Variants in GRID2IP observed in about 807,000 individuals in gnomAD.
The protein encoded by GRID2IP is Grid2 interacting protein.
GRID2IP carries 78 observed loss-of-function variants against 114.3 expected under a neutral mutation model. That is an observed-to-expected ratio of 0.68 (90% CI 0.57 to 0.82). The LOEUF is 0.82. Among genes scored for constraint, GRID2IP ranks in the 40% least tolerant of loss-of-function variants. The pLI is 0.00. For missense variants in GRID2IP, 1,727 were observed against 1,678.5 expected, an observed-to-expected ratio of 1.03 and a Z score of -0.51; for synonymous variants, 809 against 724.0, an observed-to-expected ratio of 1.12 and a Z score of -1.89.
rs1235169036 is a variant in GRID2IP at position 6,520,090 on chromosome 7, A to G, written c.1268+488T>C. On this transcript the variant is annotated intron_variant, in intron 7 of 21. Transcript: ENST00000457091. This position sits in a 1 kb window ranked among gnomAD's most constrained non-coding sequence, Gnocchi z 4.6. ...GGAGTTTGAGACCAGCCTGACCAAC[A>G]TAGTGAAACCCTGTCTCTAGTAAAA... Among the ~76,000 whole-genome samples the G allele has an allele frequency of 3.9e-5, 6 of 152,170 alleles. No homozygotes were observed. The highest frequency in any genetic ancestry group is 8.8e-5 in the Non-Finnish European group (6 of 68,018).
chr7:6,520,783 G>C lies in GRID2IP; in HGVS notation c.1085-22C>G. ...GAGTCTGCTGGGACCACAGGCGGGAGAGGCATGAGTGACTCAGAGTCCCCA... is the reference window on the plus strand; with the variant it reads ...GAGTCTGCTGGGACCACAGGCGGGACAGGCATGAGTGACTCAGAGTCCCCA... On this transcript the variant is annotated intron_variant, in intron 6 of 21. Coordinates refer to ENST00000457091, the MANE Select transcript of GRID2IP (RefSeq NM_001145118.2). The surrounding 1 kb of genome is among the most constrained non-coding windows in gnomAD (Gnocchi z 4.6). 1.3e-6 allele frequency: 2 copies of C among 1,542,300 alleles called. No individual in the cohort carries two copies. The highest frequency in any genetic ancestry group is 1.8e-6 in the Non-Finnish European group (2 of 1,140,292).
intron 1 of GRID2IP, among the ~76,000 whole-genome samples, chr7:6,547,065 G>A (rs1183963921): frequency 1.3e-5 from 2 of 152,156 alleles, no homozygotes; most frequent in Non-Finnish European, 2.9e-5. Context: ...GTTCTAAGAG[G>A]AGATGCACAA....
Position 6,509,114 on chromosome 7 carries a change from G to GGGGGGGGGGGGGC in GRID2IP, c.1970_1971insGCCCCCCCCCCCC (p.Asp657GlufsTer28). 1 of 1,119,864 alleles carries GGGGGGGGGGGGGC rather than the reference G, an allele frequency of 8.9e-7. No individual in the cohort carries two copies. Among genetic ancestry groups the GGGGGGGGGGGGGC allele is most frequent in the Non-Finnish European group, 1.3e-6 (1 of 787,286 alleles). The allele number at this position is 1,119,864 out of a possible 1,614,324, so 69.4% of individuals were successfully genotyped here. On this transcript the variant is annotated frameshift_variant, in exon 12 of 22. Transcript: ENST00000457091. LOFTEE classifies it high-confidence loss of function. This position sits in a 1 kb window ranked among gnomAD's most constrained non-coding sequence, Gnocchi z 4.9. Reference sequence around the variant, plus strand: ...TCCTGCGGCTGGGCGGGCGGGTGGGGTCCGGGCTTGGGGGGCTGTCGGGGC... The same window carrying GGGGGGGGGGGGGC: ...TCCTGCGGCTGGGCGGGCGGGTGGGGGGGGGGGGGGGGCTCCGGGCTTGGGGGGCTGTCGGGGC...
chr7:6,545,019 G>A lies in GRID2IP; in HGVS notation c.430-5147C>T, dbSNP rs1440289120. On this transcript the variant is annotated intron_variant, in intron 1 of 21. Transcript: ENST00000457091. ...GGAGAATGGTGTGAACCCGGGAGGC[G>A]GAGCTTGCAGTAAGCCGAGATCGCG... Among the ~76,000 whole-genome samples, 9 of 152,212 alleles carry A rather than the reference G, an allele frequency of 5.9e-5. No homozygotes were observed. In the East Asian group the frequency reaches 1.5e-3, roughly 26 times the overall value.
rs1177805873 is a variant in GRID2IP at position 6,523,724 on chromosome 7, C to A, written c.920-1767G>T. 6.6e-6 allele frequency among the ~76,000 whole-genome samples: 1 copy of A among 151,934 alleles called. No individual in the cohort carries two copies. Among genetic ancestry groups the A allele is most frequent in the African/African-American group, 2.4e-5 (1 of 41,356 alleles). On this transcript the variant is annotated intron_variant, in intron 4 of 21. Transcript: ENST00000457091. The surrounding 1 kb of genome is among the most constrained non-coding windows in gnomAD (Gnocchi z 4.5). ...GCTGGGACTACAGGCATGTGCCTCA[C>A]TATTGCTCAGACTGGTCTCAAACTC...
chr7:6,503,110 G>A lies in GRID2IP; in HGVS notation c.2961C>T (p.Ala987=), dbSNP rs373500827. The change falls in exon 17 of 22, where the codon GCC becomes GCT. Residue 987 remains alanine, a synonymous_variant. Coordinates refer to ENST00000457091, the MANE Select transcript of GRID2IP (RefSeq NM_001145118.2). ...KTRLRSLHFQ[A]TLQEKTEEIR... is the part of the protein sequence containing the mutation. ...TCTCCTCTGTCTTCTCCTGGAGGGT[G>A]GCCTGGAAGTGGAGGCTGCGCAGGC... is the stretch of plus-strand genomic sequence containing the variant. 5,794 of 1,550,306 alleles carry A rather than the reference G, an allele frequency of 3.7e-3. 22 individuals are homozygous for A. The highest frequency in any genetic ancestry group is 4.6e-3 in the Non-Finnish European group (5,267 of 1,146,360).
At chr7:6,542,771 T>C (rs961220252) in intron 1 of GRID2IP, among the ~76,000 whole-genome samples, 10 of 152,188 alleles carry the variant, frequency 6.6e-5, no homozygotes, top group African/African-American at 2.4e-4. Context: ...TGATGGGTGT[T>C]ACAATCCTGT....
In GRID2IP at chr7:6,521,986, T is replaced by G; in HGVS notation, c.920-29A>C. 1 of 1,535,506 alleles carries G rather than the reference T, an allele frequency of 6.5e-7. No homozygotes were observed. The highest frequency in any genetic ancestry group is 8.8e-7 in the Non-Finnish European group (1 of 1,132,708). ...GAAGCAAGAAGAGAGGGTGTGCCGG[T>G]CAGCTGGGCAGGGTACCACTTTGAG... On this transcript the variant is annotated intron_variant, in intron 4 of 21. Coordinates refer to ENST00000457091, the MANE Select transcript of GRID2IP (RefSeq NM_001145118.2). This position sits in a 1 kb window ranked among gnomAD's most constrained non-coding sequence, Gnocchi z 4.1.
chr7:6,534,148 A>G lies in GRID2IP; in HGVS notation c.584+5570T>C, dbSNP rs1375502182. 1.3e-5 allele frequency among the ~76,000 whole-genome samples: 2 copies of G among 152,114 alleles called. No homozygotes were observed. The highest frequency in any genetic ancestry group is 1.3e-4 in the Admixed American group (2 of 15,274). On this transcript the variant is annotated intron_variant, in intron 2 of 21. Transcript: ENST00000457091. This position sits in a 1 kb window ranked among gnomAD's most constrained non-coding sequence, Gnocchi z 4.5. ...AGAAACTACCAAGCCCGTTTTACAG[A>G]CAAACTGTAGATGTCAGTGAACCTG...
chr7:6,548,723 T>C lies in GRID2IP; in HGVS notation c.429+2285A>G, dbSNP rs1779922953. Among the ~76,000 whole-genome samples, 6 of 151,112 alleles carry C rather than the reference T, an allele frequency of 4.0e-5. No individual in the cohort carries two copies. In the Admixed American group the frequency reaches 4.0e-4, roughly 10 times the overall value. On this transcript the variant is annotated intron_variant, in intron 1 of 21. Transcript: ENST00000457091. ...TGGCCATGGTGGGGTACGCCTGTAATCCCAGCTACGCGGGAGGCTGAGGCA... is the reference window on the plus strand; with the variant it reads ...TGGCCATGGTGGGGTACGCCTGTAACCCCAGCTACGCGGGAGGCTGAGGCA...
chr7:6,545,738 G>A (rs1779878339), intron 1 of GRID2IP, among the ~76,000 whole-genome samples: 1 of 152,178 alleles, frequency 6.6e-6, no homozygotes, highest in Non-Finnish European at 1.5e-5. Context: ...CTCAGAGAAT[G>A]TGGATGGGAC....
chr7:6,512,231 C>CTTCTTTTTTTTTT (rs1157560127), intron 8 of GRID2IP, among the ~76,000 whole-genome samples: 3 of 90,196 alleles, frequency 3.3e-5, no homozygotes, highest in Non-Finnish European at 6.3e-5. Flanking sequence ...TTCTTTTCTT[C>CTTCTTTTTTTTTT]TTTTTTTTTT....
At chr7:6,533,288 C>T (rs1464504221) in intron 2 of GRID2IP, among the ~76,000 whole-genome samples, 1 of 152,162 alleles carries the variant, frequency 6.6e-6, no homozygotes, top group African/African-American at 2.4e-5. Context: ...CTAAGAGAAG[C>T]CAATACTAAT....
Position 6,551,088 on chromosome 7 carries a change from G to A in GRID2IP, c.349C>T (p.Leu117=), listed in dbSNP as rs1779969909. ...CGRGLALGRE[L]LRLAGRKRPD... ...CGCTTGCGGCCGGCCAGGCGAAGCA[G>A]CTCACGGCCCAGAGCTAGGCCGCGG... The change falls in exon 1 of 22, where the codon CTG becomes TTG. Residue 117 remains leucine (L), a synonymous_variant. Transcript: ENST00000457091. The A allele has an allele frequency of 1.5e-6, 2 of 1,317,974 alleles. No homozygotes were observed. Among genetic ancestry groups the A allele is most frequent in the East Asian group, 3.1e-5 (1 of 31,830 alleles). The allele number at this position is 1,317,974 out of a possible 1,614,324, so 81.6% of individuals were successfully genotyped here.
At chr7:6,549,964 A>G (rs1490453660) in intron 1 of GRID2IP, among the ~76,000 whole-genome samples, 1 of 151,906 alleles carries the variant, frequency 6.6e-6, no homozygotes, top group Non-Finnish European at 1.5e-5. Flanking sequence ...ATGAAGGGCC[A>G]AGAAGCGATA....
chr7:6,522,878 G>A (rs535133466), intron 4 of GRID2IP, among the ~76,000 whole-genome samples: 1 of 151,756 alleles, frequency 6.6e-6, no homozygotes, highest in East Asian at 1.9e-4. Flanking sequence ...TATTGCCCAG[G>A]CTAGTCTCGA....
In GRID2IP at chr7:6,532,904, T is replaced by C. The variant is rs1242310322; in HGVS notation, c.585-6135A>G. Among the ~76,000 whole-genome samples, 1 of 152,194 alleles carries C rather than the reference T, an allele frequency of 6.6e-6. No homozygotes were observed. The highest frequency in any genetic ancestry group is 1.5e-5 in the Non-Finnish European group (1 of 68,034). Reference sequence around the variant, plus strand: ...CAGTGGGGCCAGCTGCTCATGCCTGTGGCCAGGTGACCCAGGGCAGCATGA... The same window carrying C: ...CAGTGGGGCCAGCTGCTCATGCCTGCGGCCAGGTGACCCAGGGCAGCATGA... On this transcript the variant is annotated intron_variant, in intron 2 of 21. Transcript: ENST00000457091. The surrounding 1 kb of genome is among the most constrained non-coding windows in gnomAD (Gnocchi z 4.4).
intron 7 of GRID2IP, among the ~76,000 whole-genome samples, chr7:6,515,675 G>A (rs1318748207): frequency 6.6e-6 from 1 of 151,892 alleles, no homozygotes; most frequent in African/African-American, 2.4e-5. Context: ...CTACTCAGGA[G>A]GCTGAGGCAG....
intron 1 of GRID2IP, among the ~76,000 whole-genome samples, chr7:6,544,761 G>A (rs1779862160): frequency 6.6e-6 from 1 of 151,994 alleles, no homozygotes; most frequent in Non-Finnish European, 1.5e-5. Flanking sequence ...GACCAGCCTG[G>A]GCAACATAAC....
Sources: gnomAD v4.1 joint callset for allele counts (sites outside exome capture counted in the v4.1 genomes callset) on GRCh38, gnomAD v4.1.1 for gene constraint, Gnocchi (gnomAD v3.1) non-coding constraint, MANE v1.5 for transcripts, NCBI Gene and HGNC (gene_info 2026-07-23, HGNC 2026-07-21) for gene names.